The following ZNF609 variants were observed in gnomAD, a reference collection of about 807,000 sequenced individuals.
ZNF609 encodes the protein zinc finger protein 609.
In ZNF609, 11 loss-of-function variants were observed where a neutral mutation model predicts 109.5. The ratio of observed to expected loss-of-function variants is 0.10; its 90% CI spans 0.06 to 0.17. ZNF609 has a LOEUF of 0.17. ZNF609 is among the 10% of genes least tolerant of loss of function. ZNF609 has a pLI of 1.00. For missense variants in ZNF609, 1,559 were observed against 1,772.4 expected (o/e 0.88, Z 2.16); for synonymous variants, 646 against 662.0 (o/e 0.98, Z 0.37).
chr15:64,670,073 G>A (rs992512265), intron 3 of ZNF609, among the ~76,000 whole-genome samples: 1 of 152,118 alleles, frequency 6.6e-6, no homozygotes, highest in African/African-American at 2.4e-5. Flanking sequence ...CTCCAGCCTG[G>A]GCAACAGAGC....
At chr15:64,681,585 G>A in intron 9 of ZNF609, 107 bp from the exon 10 acceptor site, 1 of 570,212 alleles carries the variant, frequency 1.8e-6, no homozygotes, top group African/African-American at 1.9e-5. Flanking sequence ...GTGTCCCCTA[G>A]GGACCAGTAC....
At chr15:64,617,302 A>C (rs1424932103) in intron 2 of ZNF609, among the ~76,000 whole-genome samples, 1 of 151,590 alleles carries the variant, frequency 6.6e-6, no homozygotes, top group Non-Finnish European at 1.5e-5. Context: ...GATCACAGGC[A>C]TCAGCCACCA....
chr15:64,665,926 A>T (rs1473286676), intron 3 of ZNF609, among the ~76,000 whole-genome samples: 1 of 150,640 alleles, frequency 6.6e-6, no homozygotes, highest in Non-Finnish European at 1.5e-5. Context: ...AATTAAAATT[A>T]AAAATTAAAT....
chr15:64,478,230 C>G (rs924005091), intron 1 of ZNF609, among the ~76,000 whole-genome samples: 3 of 143,720 alleles, frequency 2.1e-5, no homozygotes, highest in African/African-American at 7.7e-5. Flanking sequence ...GCTGTGTTGC[C>G]CAGGTTGGAG....
At position 64,681,410 on chromosome 15, in the gene ZNF609, G is replaced by A. The variant is rs777699529; in HGVS notation, c.*5+23G>A. The A allele has an allele frequency of 5.6e-6, 9 of 1,599,538 alleles. No homozygotes were observed. In the African/African-American group the frequency reaches 9.4e-5, roughly 17 times the overall value. ...ATGGTAAGTCACTTTTATTAATTTG[G>A]GGCAACACATAAAGCCGGGATAGTT... On this transcript the variant is annotated intron_variant, in intron 9 of 9. Transcript: ENST00000326648.
At chr15:64,656,499 C>T (rs949772337) in intron 3 of ZNF609, among the ~76,000 whole-genome samples, 1 of 152,184 alleles carries the variant, frequency 6.6e-6, no homozygotes, top group African/African-American at 2.4e-5. Context: ...CTCAGTTCTT[C>T]ACTTGTGGTT....
At chr15:64,563,568 G>A (rs1368323579) in intron 2 of ZNF609, among the ~76,000 whole-genome samples, 6 of 151,928 alleles carry the variant, frequency 3.9e-5, no homozygotes, top group African/African-American at 9.7e-5. Flanking sequence ...CCTGAAGGTC[G>A]GGAGTTCGAG....
chr15:64,657,539 C>T (rs868176496), intron 3 of ZNF609, among the ~76,000 whole-genome samples: 3 of 151,964 alleles, frequency 2.0e-5, no homozygotes, highest in South Asian at 2.1e-4. Context: ...ACTTGAACCC[C>T]GTAGACGGAG....
intron 1 of ZNF609, among the ~76,000 whole-genome samples, chr15:64,483,325 C>G (rs1225588722): frequency 6.6e-6 from 1 of 152,118 alleles, no homozygotes; most frequent in Non-Finnish European, 1.5e-5. Flanking sequence ...AACTCCCAGC[C>G]TTAGGTGATC....
At chr15:64,663,626 G>T (rs1398681867) in intron 3 of ZNF609, among the ~76,000 whole-genome samples, 1 of 152,158 alleles carries the variant, frequency 6.6e-6, no homozygotes, top group Admixed American at 6.5e-5. Flanking sequence ...GCTGAGGAAT[G>T]ACCAGAGAGA....
At chr15:64,579,943 C>G (rs185112126) in intron 2 of ZNF609, among the ~76,000 whole-genome samples, 1 of 152,268 alleles carries the variant, frequency 6.6e-6, no homozygotes, top group Non-Finnish European at 1.5e-5. Context: ...CAAAAAAAAT[C>G]TATTTCTTAT....
At chr15:64,511,347 G>A (rs1240118665) in intron 2 of ZNF609, among the ~76,000 whole-genome samples, 2 of 151,786 alleles carry the variant, frequency 1.3e-5, no homozygotes, top group East Asian at 1.9e-4. Flanking sequence ...GTGGCGTGGT[G>A]GAGTGTGCCT....
At chr15:64,558,111 T>G (rs1472192181) in intron 2 of ZNF609, among the ~76,000 whole-genome samples, 1 of 152,202 alleles carries the variant, frequency 6.6e-6, no homozygotes, top group Non-Finnish European at 1.5e-5. Context: ...TAGCCCCAGC[T>G]TAATATAGTT....
intron 2 of ZNF609, among the ~76,000 whole-genome samples, chr15:64,592,783 G>A (rs1243577465): frequency 6.7e-6 from 1 of 149,050 alleles, no homozygotes; most frequent in African/African-American, 2.5e-5. Flanking sequence ...AAATTAGCCC[G>A]GCATCTGAAA....
In ZNF609 at chr15:64,684,392, C is replaced by T; in HGVS notation, c.*2706C>T. 6.6e-6 allele frequency: 1 copy of T among 152,434 alleles called. No homozygotes were observed. 9.4% of individuals were successfully genotyped at this position (152,434 alleles called of 1,614,324 possible). On this transcript the variant is annotated 3_prime_UTR_variant, in exon 10 of 10. Transcript: ENST00000326648. ...CTCACAGACATTGCTCACGGGGCTTCCCATAGAGGAGAAGCTAAAGAGGGA... is the reference window on the plus strand; with the variant it reads ...CTCACAGACATTGCTCACGGGGCTTTCCATAGAGGAGAAGCTAAAGAGGGA...
chr15:64,622,821 C>T lies in ZNF609; in HGVS notation c.748-6C>T. ...ACTCAGCTACTACTTTTTCTTCCCT[C>T]CACAGATGGAGTCCCCTGTTTCCAC... is the stretch of plus-strand genomic sequence containing the variant. On this transcript the variant is annotated splice_polypyrimidine_tract_variant and splice_region_variant and intron_variant, in intron 2 of 9. Transcript: ENST00000326648. 1 of 1,613,744 alleles carries T rather than the reference C, an allele frequency of 6.2e-7. No homozygotes were observed. The highest frequency in any genetic ancestry group is 8.5e-7 in the Non-Finnish European group (1 of 1,179,598).
chr15:64,538,628 C>T (rs1337072211), intron 2 of ZNF609, among the ~76,000 whole-genome samples: 1 of 152,094 alleles, frequency 6.6e-6, no homozygotes, highest in East Asian at 1.9e-4. Flanking sequence ...CTCACCGCAA[C>T]CTCCGCCTCC....
intron 2 of ZNF609, among the ~76,000 whole-genome samples, chr15:64,607,853 TTC>T (rs1567027698): frequency 3.9e-5 from 1 of 25,720 alleles, no homozygotes; most frequent in Admixed American, 8.4e-4. Flanking sequence ...CTTTCTTTCT[TTC>T]TTTCTTTCTT....
intron 2 of ZNF609, among the ~76,000 whole-genome samples, chr15:64,613,095 T>G (rs1895743435): frequency 6.6e-6 from 1 of 151,842 alleles, no homozygotes. Flanking sequence ...GCTGAGGTGG[T>G]GGATTGCTTG....
Sources: gnomAD v4.1 joint callset for allele counts (sites outside exome capture counted in the v4.1 genomes callset) on GRCh38, gnomAD v4.1.1 for gene constraint, MANE v1.5 for transcripts, NCBI Gene and HGNC (gene_info 2026-07-23, HGNC 2026-07-21) for gene names.